IFRD1: variants seen among roughly 807,000 people sequenced by gnomAD.
The protein encoded by IFRD1 is interferon related developmental regulator 1, also known as interferon-related developmental regulator 1.
A neutral mutation model predicts 52.9 loss-of-function variants in IFRD1; 35 were observed. The observed-to-expected ratio is 0.66, with a 90% CI of 0.51 to 0.88. IFRD1 has a LOEUF of 0.88. Ranked by LOEUF, IFRD1 falls within the 40% of genes least tolerant of loss-of-function variation. The pLI, the probability that IFRD1 is intolerant of heterozygous loss-of-function variation, is 0.00. For missense variants in IFRD1, 517 were observed against 550.8 expected (o/e 0.94, Z 0.61); for synonymous variants, 184 against 188.4 (o/e 0.98, Z 0.19).
chr7:112,463,184 T>C (rs1290948908), intron 8 of IFRD1, among the ~76,000 whole-genome samples: 1 of 152,160 alleles, frequency 6.6e-6, no homozygotes. Flanking sequence ...TTGACTGTCT[T>C]CACACTGAAT....
rs1217290152 is a variant in IFRD1 at position 112,460,370 on chromosome 7, G to T, written c.567+1352G>T. On this transcript the variant is annotated intron_variant, in intron 5 of 11. Coordinates refer to ENST00000403825, the MANE Select transcript of IFRD1 (RefSeq NM_001550.4). ...GGTTATCCTCCTGCCTCAGCCTCCT[G>T]AGTAGCTGGGACTATAGGCATGTAC... Among the ~76,000 whole-genome samples, 19 of 148,610 alleles carry T rather than the reference G, an allele frequency of 1.3e-4. No individual in the cohort carries two copies. The Admixed American group carries it at 1.3e-3, about 10-fold the overall frequency.
At chr7:112,460,627 A>AGGGATT (rs1191192772) in intron 5 of IFRD1, among the ~76,000 whole-genome samples, 1 of 152,170 alleles carries the variant, frequency 6.6e-6, no homozygotes, top group Non-Finnish European at 1.5e-5. Context: ...GCTTAGCAGT[A>AGGGATT]GGGATTATGG....
In IFRD1 at chr7:112,435,876, C is replaced by CT. The variant is rs61293743; in HGVS notation, c.-182+12456dup. Among the ~76,000 whole-genome samples the CT allele has an allele frequency of 7.7e-3, 1,096 of 141,806 alleles. 12 individuals carry two copies. Among genetic ancestry groups the CT allele is most frequent in the African/African-American group, 0.024 (922 of 38,278 alleles). The allele number at this position is 141,806 out of a possible 152,430, so 93.0% of individuals were successfully genotyped here. ...CTATCAATATTTTTCTTTTTTCTCT[C>CT]TTTTTTTTTTTTGTTTTTGTTTTTT... On this transcript the variant is annotated intron_variant, in intron 1 of 12. Transcript: ENST00000005558.
At chr7:112,463,959 T>A (rs1584496279) in intron 8 of IFRD1, among the ~76,000 whole-genome samples, 2 of 151,188 alleles carry the variant, frequency 1.3e-5, no homozygotes, top group East Asian at 3.9e-4. Context: ...CATCCAGACA[T>A]ATTTCATTTG....
In IFRD1 at chr7:112,477,082, G is replaced by T. The variant is rs991859369; in HGVS notation, c.*1563G>T. 6.6e-6 allele frequency: 1 copy of T among 152,156 alleles called. No individual in the cohort carries two copies. The highest frequency in any genetic ancestry group is 2.4e-5 in the African/African-American group (1 of 41,446). The allele number at this position is 152,156 out of a possible 1,614,324, so 9.4% of individuals were successfully genotyped here. Reference sequence around the variant, plus strand: ...TTGTCACTTGGTTATGTTCCAAGTAGGTTAGAACCATGGAAAAGAGATTGC... The same window carrying T: ...TTGTCACTTGGTTATGTTCCAAGTATGTTAGAACCATGGAAAAGAGATTGC... On this transcript the variant is annotated 3_prime_UTR_variant, in exon 12 of 12. Transcript: ENST00000403825.
chr7:112,452,037 AT>A (rs1322759211), intron 1 of IFRD1: 1 of 981,398 alleles, frequency 1.0e-6, no homozygotes, highest in Non-Finnish European at 1.2e-6. Context: ...AATTTTTTAC[AT>A]TTTTTAGGTG....
In IFRD1 at chr7:112,458,956, C is replaced by G; in HGVS notation, c.505C>G (p.Leu169Val). The G allele has an allele frequency of 6.2e-7, 1 of 1,613,922 alleles. No individual in the cohort carries two copies. The highest frequency in any genetic ancestry group is 8.5e-7 in the Non-Finnish European group (1 of 1,179,880). Residue 169 changes from leucine to valine, a missense_variant, in exon 5 of 12, where the codon CTT (leucine) becomes GTT (valine). Transcript: ENST00000403825. ...TGAAAGTGAAGAGATTTTGAAAACT[C>G]TTGGACCAATCCTAAAGAAAATCAT... The part of the protein sequence containing the change: ...GIESEEILKT[L>V]GPILKKIICD...
At chr7:112,459,775 G>A (rs1048930191) in intron 5 of IFRD1, among the ~76,000 whole-genome samples, 5 of 152,156 alleles carry the variant, frequency 3.3e-5, no homozygotes, top group Admixed American at 3.3e-4. Flanking sequence ...CTCTCGATAT[G>A]GCAGCCAGGG....
chr7:112,451,211 C>T, intron 1 of IFRD1: 1 of 169,338 alleles, frequency 5.9e-6, no homozygotes, highest in South Asian at 1.1e-4. Context: ...ACATGGAGCT[C>T]CTGGGATGCC....
chr7:112,461,954 A>T (rs1795449287), intron 6 of IFRD1, 38 bp downstream of exon 6: 1 of 1,601,710 alleles, frequency 6.2e-7, no homozygotes, highest in African/African-American at 1.3e-5. Context: ...ATCTGCAGTT[A>T]TTTCTAATTT....
At chr7:112,441,538 C>G (rs1046062314) in intron 1 of IFRD1, among the ~76,000 whole-genome samples, 6 of 152,092 alleles carry the variant, frequency 3.9e-5, no homozygotes. Context: ...AAGCTCATGA[C>G]GAGATGGGAA....
Position 112,475,510 on chromosome 7 carries a change from ATTC to A in IFRD1, c.1352_1354del (p.Phe451del), listed in dbSNP as rs764912194. On this transcript the variant is annotated inframe_deletion, in exon 12 of 12. Coordinates refer to ENST00000403825, the MANE Select transcript of IFRD1 (RefSeq NM_001550.4). ...GAGATAAGAGAGCAGATGTTGGAGA[ATTC>A]TTCTAGATTTTCAGAACTTGAAGAC... 1 of 1,596,186 alleles carries A rather than the reference ATTC, an allele frequency of 6.3e-7. No individual in the cohort carries two copies. The highest frequency in any genetic ancestry group is 1.7e-5 in the Admixed American group (1 of 59,964).
intron 9 of IFRD1, among the ~76,000 whole-genome samples, chr7:112,469,844 CTTCTT>C (rs921719401): frequency 1.3e-5 from 2 of 152,252 alleles, no homozygotes; most frequent in African/African-American, 4.8e-5. Context: ...ACCCGCCCAC[CTTCTT>C]TTCTTCATCT....
intron 4 of IFRD1, chr7:112,457,538 A>G (rs1795326752): frequency 6.2e-6 from 1 of 160,654 alleles, no homozygotes; most frequent in Non-Finnish European, 1.4e-5. Flanking sequence ...ATCAGACCTT[A>G]AAGTCCAGTG....
At position 112,440,470 on chromosome 7, in the gene IFRD1, C is replaced by T. The variant is rs531320690; in HGVS notation, c.-181-10038C>T. On this transcript the variant is annotated intron_variant, in intron 1 of 12. Transcript: ENST00000005558. ...TAAATAAATATTTAAATGTGATAAG[C>T]CTGGTACGGTCAATTCAGTTTGGCA... is the stretch of plus-strand genomic sequence containing the variant. Among the ~76,000 whole-genome samples, 6 of 152,152 alleles carry T rather than the reference C, an allele frequency of 3.9e-5. No individual in the cohort carries two copies. In the South Asian group the frequency reaches 1.2e-3, roughly 32 times the overall value.
chr7:112,439,459 CAA>C (rs1794814487), intron 1 of IFRD1, among the ~76,000 whole-genome samples: 1 of 152,186 alleles, frequency 6.6e-6, no homozygotes. Flanking sequence ...ACAGAAATCT[CAA>C]GTTTAATTTT....
At chr7:112,467,646 A>C in intron 8 of IFRD1, 1 of 302,192 alleles carries the variant, frequency 3.3e-6, no homozygotes, top group Non-Finnish European at 6.4e-6. Flanking sequence ...CAAGGGTAGA[A>C]GCTATATTGG....
chr7:112,451,050 A>G (rs1282352079), intron 1 of IFRD1: 7 of 489,072 alleles, frequency 1.4e-5, no homozygotes, highest in African/African-American at 5.9e-5. Context: ...GTGTCGGGAC[A>G]GGGGCTGACC....
intron 1 of IFRD1, among the ~76,000 whole-genome samples, chr7:112,455,496 A>T (rs1308583411): frequency 9.8e-6 from 1 of 102,458 alleles, no homozygotes; most frequent in African/African-American, 3.0e-5. Context: ...AAAACAAAAA[A>T]AACAAAACAA....
Sources: allele counts gnomAD v4.1 joint callset (sites outside exome capture counted in the v4.1 genomes callset), GRCh38; gene constraint gnomAD v4.1.1; transcripts MANE v1.5; gene names NCBI Gene and HGNC (gene_info 2026-07-23, HGNC 2026-07-21).